Variants in ERICH1 observed in about 807,000 individuals in gnomAD.
ERICH1 encodes glutamate-rich protein 1.
ERICH1 carries 56 observed loss-of-function variants against 39.6 expected under a neutral mutation model. The ratio of observed to expected loss-of-function variants is 1.41; its 90% CI spans 1.14 to 1.77. The LOEUF is 1.77. Among genes scored for constraint, ERICH1 ranks in the 40% most tolerant of loss-of-function variants. The probability of loss-of-function intolerance (pLI) is 0.00; values close to 1 mark genes in which losing one functional copy is unlikely to be tolerated. For synonymous variants in ERICH1, 313 were observed against 223.6 expected (o/e 1.40, Z -3.57); for missense variants, 826 against 575.4 (o/e 1.44, Z -4.45).
At chr8:672,377 G>C (rs80077351) in intron 4 of ERICH1, among the ~76,000 whole-genome samples, 8 of 152,194 alleles carry the variant, frequency 5.3e-5, no homozygotes, top group East Asian at 1.9e-4. Flanking sequence ...AGTGCTCTTC[G>C]TGTTGAAATC....
At chr8:711,781 T>A (rs1814798144) in intron 2 of ERICH1, among the ~76,000 whole-genome samples, 1 of 152,172 alleles carries the variant, frequency 6.6e-6, no homozygotes, top group Non-Finnish European at 1.5e-5. Context: ...ATAGGTGTGA[T>A]CCACCGCGCC....
chr8:652,682 G>A (rs1225516418), intron 3 of ERICH1, among the ~76,000 whole-genome samples: 1 of 152,198 alleles, frequency 6.6e-6, no homozygotes, highest in Non-Finnish European at 1.5e-5. Context: ...AGATGCCTCA[G>A]GCTCAGAGAA....
At chr8:631,710 G>A (rs1243128803) in intron 3 of ERICH1, among the ~76,000 whole-genome samples, 1 of 152,094 alleles carries the variant, frequency 6.6e-6, no homozygotes. Context: ...GCGGCACTGA[G>A]CGCTTCACAC....
At chr8:656,011 G>A (rs2131706753) in intron 3 of ERICH1, among the ~76,000 whole-genome samples, 1 of 152,202 alleles carries the variant, frequency 6.6e-6, no homozygotes, top group Middle Eastern at 3.4e-3. Context: ...AGATGCTGCT[G>A]CAGGGCTGTC....
intron 1 of ERICH1, among the ~76,000 whole-genome samples, chr8:721,888 G>A (rs1817411911): frequency 6.6e-6 from 1 of 152,188 alleles, no homozygotes; most frequent in South Asian, 2.1e-4. Context: ...GCTCTAGATA[G>A]AGGCTGACAA....
chr8:631,864 A>G lies in ERICH1; in HGVS notation c.977-16580T>C, dbSNP rs527905406. ...GGTGCCGCCCCCCGACCCCCGCCCCAGGCCTTTGCTCAGTCAATGCTGTAC... is the reference window on the plus strand; with the variant it reads ...GGTGCCGCCCCCCGACCCCCGCCCCGGGCCTTTGCTCAGTCAATGCTGTAC... On this transcript the variant is annotated intron_variant, in intron 3 of 3. Coordinates refer to the ERICH1 transcript ENST00000522706. Among the ~76,000 whole-genome samples the G allele has an allele frequency of 5.3e-5, 8 of 152,028 alleles. No homozygotes were observed. The East Asian group carries it at 1.6e-3, about 29-fold the overall frequency.
intron 3 of ERICH1, among the ~76,000 whole-genome samples, chr8:634,103 A>G (rs1798228360): frequency 6.6e-6 from 1 of 151,418 alleles, no homozygotes; most frequent in African/African-American, 2.4e-5. Flanking sequence ...AATGGGGAAA[A>G]TATTTACAAA....
chr8:675,653 C>T (rs1305637221), intron 3 of ERICH1, among the ~76,000 whole-genome samples: 1 of 1,052 alleles, frequency 9.5e-4, no homozygotes, highest in African/African-American at 4.8e-3. Context: ...GCCCCCTCGG[C>T]GAGGACAGAG....
intron 1 of ERICH1, among the ~76,000 whole-genome samples, chr8:728,588 A>C (rs1183845909): frequency 6.6e-6 from 1 of 152,130 alleles, no homozygotes; most frequent in Non-Finnish European, 1.5e-5. Context: ...GCTAGCACTT[A>C]ATTACATGCC....
chr8:634,187 C>CAA (rs1798249249), intron 3 of ERICH1, among the ~76,000 whole-genome samples: 1 of 111,634 alleles, frequency 9.0e-6, no homozygotes, highest in African/African-American at 3.5e-5. Flanking sequence ...AAAAAAAAAA[C>CAA]AAACAAAAAA....
intron 3 of ERICH1, among the ~76,000 whole-genome samples, chr8:627,757 C>T (rs1446002588): frequency 6.6e-6 from 1 of 152,188 alleles, no homozygotes; most frequent in Non-Finnish European, 1.5e-5. Flanking sequence ...AGTTGCTGGC[C>T]CCTGGTCTCT....
chr8:724,979 G>T (rs985940664), intron 1 of ERICH1, among the ~76,000 whole-genome samples: 2 of 152,214 alleles, frequency 1.3e-5, no homozygotes, highest in African/African-American at 2.4e-5. Context: ...GAAGGACCAT[G>T]TGGTCCTTTT....
At chr8:635,637 C>G (rs1354965110) in intron 3 of ERICH1, among the ~76,000 whole-genome samples, 1 of 152,224 alleles carries the variant, frequency 6.6e-6, no homozygotes, top group Admixed American at 6.5e-5. Flanking sequence ...CAGGGACTCC[C>G]AGCAACCCGT....
chr8:728,774 G>C (rs1449119919), intron 1 of ERICH1, among the ~76,000 whole-genome samples: 1 of 152,156 alleles, frequency 6.6e-6, no homozygotes, highest in Non-Finnish European at 1.5e-5. Context: ...GCATAACATA[G>C]AGCACATTTG....
chr8:719,080 C>T (rs771476845), intron 1 of ERICH1, among the ~76,000 whole-genome samples: 4 of 152,286 alleles, frequency 2.6e-5, no homozygotes, highest in Admixed American at 6.5e-5. Context: ...CACCTCCCAC[C>T]GGGAGCCCAG....
At chr8:663,515 C>CACAGGCGGGACAGGCGGG (rs145134905), downstream of ERICH1, among the ~76,000 whole-genome samples, 59 of 149,794 alleles carry the variant, frequency 3.9e-4, no homozygotes, top group South Asian at 1.9e-3. Flanking sequence ...CACGGATGCT[C>CACAGGCGGGACAGGCGGG]ACAGGCGGGA....
At chr8:716,128 C>A in intron 1 of ERICH1, 121 bp from the exon 2 acceptor site, 1 of 1,259,662 alleles carries the variant, frequency 7.9e-7, no homozygotes, top group Non-Finnish European at 1.1e-6. Flanking sequence ...AACGGAGACC[C>A]AAGTCCCTGG....
At chr8:716,131 G>A (rs1563340850) in intron 1 of ERICH1, 124 bp from the exon 2 acceptor site, 1 of 1,201,720 alleles carries the variant, frequency 8.3e-7, no homozygotes, top group South Asian at 1.7e-5. Context: ...GGAGACCCAA[G>A]TCCCTGGTCC....
At chr8:658,444 C>G (rs1800948717) in intron 3 of ERICH1, among the ~76,000 whole-genome samples, 2 of 152,214 alleles carry the variant, frequency 1.3e-5, no homozygotes, top group Non-Finnish European at 2.9e-5. Flanking sequence ...TTCGACCTCC[C>G]TGAACACCTG....
Sources: gnomAD v4.1 joint callset for allele counts (sites outside exome capture counted in the v4.1 genomes callset) on GRCh38, gnomAD v4.1.1 for gene constraint, MANE v1.5 for transcripts, NCBI Gene and HGNC (gene_info 2026-07-23, HGNC 2026-07-21) for gene names.